Variants in ITIH5 observed in about 807,000 individuals in gnomAD.
The protein encoded by ITIH5 is inter-alpha-trypsin inhibitor heavy chain H5.
A neutral mutation model predicts 77.5 loss-of-function variants in ITIH5; 65 were observed. The observed-to-expected ratio is 0.84, with a 90% CI of 0.69 to 1.03. ITIH5 has a LOEUF of 1.03. Ranked by LOEUF, ITIH5 falls within the 50% of genes least tolerant of loss-of-function variation. The pLI, the probability that ITIH5 is intolerant of heterozygous loss-of-function variation, is 0.00. For synonymous variants in ITIH5, 525 were observed against 494.3 expected (o/e 1.06, Z -0.82); for missense variants, 1,208 against 1,213.1 (o/e 1.00, Z 0.06).
At chr10:7,578,400 T>G (rs1832468531) in intron 9 of ITIH5, 1 of 167,352 alleles carries the variant, frequency 6.0e-6, no homozygotes, top group Non-Finnish European at 1.5e-5. Flanking sequence ...TTCAGTGGGA[T>G]GGCAGTGCAG....
At chr10:7,614,472 T>C (rs75185278) in intron 7 of ITIH5, among the ~76,000 whole-genome samples, 1 of 152,192 alleles carries the variant, frequency 6.6e-6, no homozygotes, top group Non-Finnish European at 1.5e-5. Context: ...TCGTGAGATT[T>C]TTTTGCGTGA....
intron 7 of ITIH5, among the ~76,000 whole-genome samples, chr10:7,597,044 CAA>C (rs71383924): frequency 4.1e-4 from 15 of 36,924 alleles, no homozygotes; most frequent in East Asian, 3.8e-3. Context: ...GTCTCCAACT[CAA>C]AAAAAAAAAA....
At chr10:7,568,580 A>T (rs1832233158) in intron 12 of ITIH5, among the ~76,000 whole-genome samples, 1 of 152,212 alleles carries the variant, frequency 6.6e-6, no homozygotes, top group Non-Finnish European at 1.5e-5. Flanking sequence ...CATGTGTTGA[A>T]GGAACCCCAG....
intron 2 of ITIH5, among the ~76,000 whole-genome samples, chr10:7,646,139 AGAATACCACTG>A (rs1228076052): frequency 6.6e-6 from 1 of 152,256 alleles, no homozygotes; most frequent in Non-Finnish European, 1.5e-5. Context: ...CGAAGCATCT[AGAATACCACTG>A]CACCCAGCTC....
Position 7,563,076 on chromosome 10 carries a change from G to T in ITIH5, c.*7C>A, listed in dbSNP as rs1564229318. 1.9e-6 allele frequency: 3 copies of T among 1,612,622 alleles called. No homozygotes were observed. Among genetic ancestry groups the T allele is most frequent in the Non-Finnish European group, 2.5e-6 (3 of 1,178,780 alleles). On this transcript the variant is annotated 3_prime_UTR_variant, in exon 14 of 14. Coordinates refer to ENST00000397146, the MANE Select transcript of ITIH5 (RefSeq NM_030569.7). Reference sequence around the variant, plus strand: ...TTCATGCACTTGCATCTTTAAGGCTGCCAGCTTCAGAGCTCCCTGGACATT... The same window carrying T: ...TTCATGCACTTGCATCTTTAAGGCTTCCAGCTTCAGAGCTCCCTGGACATT...
intron 2 of ITIH5, among the ~76,000 whole-genome samples, chr10:7,653,808 ACT>A (rs1834138315): frequency 6.6e-6 from 1 of 152,032 alleles, no homozygotes; most frequent in African/African-American, 2.4e-5. Flanking sequence ...TGGGAAAATT[ACT>A]CTCTCTGAAT....
chr10:7,591,782 T>C (rs766136274), intron 7 of ITIH5, among the ~76,000 whole-genome samples: 1 of 152,298 alleles, frequency 6.6e-6, no homozygotes, highest in African/African-American at 2.4e-5. Flanking sequence ...ATACAGAACA[T>C]CCTTCTCTCT....
At chr10:7,566,847 A>AGAG (rs1325221191) in intron 12 of ITIH5, among the ~76,000 whole-genome samples, 1 of 12,910 alleles carries the variant, frequency 7.7e-5, no homozygotes, top group African/African-American at 3.3e-4. Flanking sequence ...AGGAAGAGGA[A>AGAG]GAAGAAGAAG....
At chr10:7,652,458 C>A (rs915300002) in intron 2 of ITIH5, among the ~76,000 whole-genome samples, 1 of 152,014 alleles carries the variant, frequency 6.6e-6, no homozygotes, top group Non-Finnish European at 1.5e-5. Flanking sequence ...AAGACATGCA[C>A]GCAAGAGAGT....
chr10:7,623,788 G>C (rs1348927526), intron 5 of ITIH5, among the ~76,000 whole-genome samples: 1 of 112,266 alleles, frequency 8.9e-6, no homozygotes, highest in African/African-American at 3.6e-5. Flanking sequence ...GGGCGACAGA[G>C]TAAGACTCCA....
intron 4 of ITIH5, among the ~76,000 whole-genome samples, chr10:7,638,969 C>T (rs994149625): frequency 6.6e-6 from 1 of 152,016 alleles, no homozygotes; most frequent in Non-Finnish European, 1.5e-5. Flanking sequence ...TTATGTGTCT[C>T]GCTAGATGTT....
chr10:7,614,678 T>TGCCATGAAAAACCAGAAA (rs1470898804), intron 7 of ITIH5, among the ~76,000 whole-genome samples: 1 of 152,064 alleles, frequency 6.6e-6, no homozygotes, highest in Admixed American at 6.6e-5. Context: ...GAAAACCAGA[T>TGCCATGAAAAACCAGAAA]GCCATGAAAA....
intron 2 of ITIH5, among the ~76,000 whole-genome samples, chr10:7,643,829 G>A (rs1401667540): frequency 1.3e-5 from 2 of 152,168 alleles, no homozygotes; most frequent in African/African-American, 4.8e-5. Context: ...ACTACAGAGG[G>A]TTATTCTATT....
At chr10:7,586,180 G>A in intron 7 of ITIH5, 111 bp from the exon 8 acceptor site, 3 of 974,548 alleles carry the variant, frequency 3.1e-6, no homozygotes, top group Non-Finnish European at 4.5e-6. Flanking sequence ...TTCAAATTCA[G>A]TGTCAGCTAT....
intron 7 of ITIH5, among the ~76,000 whole-genome samples, chr10:7,603,415 C>T (rs1056482273): frequency 6.6e-6 from 1 of 152,032 alleles, no homozygotes; most frequent in African/African-American, 2.4e-5. Context: ...GCAATGACTG[C>T]TAATCAGTGT....
At chr10:7,621,226 G>A (rs1031400147) in intron 5 of ITIH5, 2 of 152,198 alleles carry the variant, frequency 1.3e-5, no homozygotes, top group African/African-American at 2.4e-5. Context: ...AATTAGATTA[G>A]ACTCTCTTTA....
rs148765046 is a variant in ITIH5 at position 7,574,146 on chromosome 10, T to C, written c.1979-951A>G. The stretch of plus-strand genomic sequence containing the variant: ...TTTGTATTTCAAAGTACTGGTGCTT[T>C]GAATAAATATTCAATGAAAGAATAA... On this transcript the variant is annotated intron_variant, in intron 10 of 13. Transcript: ENST00000397146. Among the ~76,000 whole-genome samples, 5 of 152,354 alleles carry C rather than the reference T, an allele frequency of 3.3e-5. No homozygotes were observed. The East Asian group carries it at 9.6e-4, about 29-fold the overall frequency.
chr10:7,591,517 C>G (rs370030574), intron 7 of ITIH5, among the ~76,000 whole-genome samples: 1 of 152,180 alleles, frequency 6.6e-6, no homozygotes, highest in African/African-American at 2.4e-5. Flanking sequence ...CTGGCTGACA[C>G]GTACCCCAGC....
At chr10:7,660,575 G>C (rs1834260387) in intron 1 of ITIH5, among the ~76,000 whole-genome samples, 1 of 152,130 alleles carries the variant, frequency 6.6e-6, no homozygotes, top group African/African-American at 2.4e-5. Flanking sequence ...TGCAACTATA[G>C]GTGGGAAAAA....
Sources: gnomAD v4.1 joint callset for allele counts (sites outside exome capture counted in the v4.1 genomes callset) on GRCh38, gnomAD v4.1.1 for gene constraint, MANE v1.5 for transcripts, NCBI Gene and HGNC (gene_info 2026-07-23, HGNC 2026-07-21) for gene names.